The following ROBO2 variants were observed in gnomAD, a reference collection of about 807,000 sequenced individuals.
The protein encoded by ROBO2 is roundabout homolog 2.
Under a neutral mutation model 160.8 loss-of-function variants are expected in ROBO2, and 53 were observed. The observed-to-expected ratio is 0.33, with a 90% confidence interval of 0.26 to 0.41. The LOEUF (loss-of-function observed/expected upper bound fraction) is 0.41, where lower values mean the gene tolerates loss of function less well. ROBO2 is among the 10% of genes least tolerant of loss of function. The pLI is 1.00. For missense variants in ROBO2, 1,577 were observed against 1,722.4 expected, an observed-to-expected ratio of 0.92 and a Z score of 1.49; for synonymous variants, 664 against 611.7, an observed-to-expected ratio of 1.09 and a Z score of -1.26.
At chr3:76,171,629 T>G (rs2073043320) in intron 2 of ROBO2, among the ~76,000 whole-genome samples, 1 of 152,112 alleles carries the variant, frequency 6.6e-6, no homozygotes, top group African/African-American at 2.4e-5. Context: ...AGCAATGCCC[T>G]GATGTAGCTA....
At chr3:77,535,419 C>G (rs2092030531) in intron 6 of ROBO2, among the ~76,000 whole-genome samples, 1 of 152,038 alleles carries the variant, frequency 6.6e-6, no homozygotes, top group Admixed American at 6.6e-5. Flanking sequence ...TACTCCCACA[C>G]TTACAACTCC....
intron 2 of ROBO2, among the ~76,000 whole-genome samples, chr3:76,518,841 C>G (rs1460813495): frequency 6.6e-6 from 1 of 152,146 alleles, no homozygotes; most frequent in Non-Finnish European, 1.5e-5. Context: ...TAATTAGAAG[C>G]TAAAGTCAGT....
chr3:76,628,039 A>C (rs200724806), intron 2 of ROBO2, among the ~76,000 whole-genome samples: 1 of 82,434 alleles, frequency 1.2e-5, no homozygotes, highest in Admixed American at 1.1e-4. Flanking sequence ...TAAGGAAAAA[A>C]GGTATATTAG....
intron 13 of ROBO2, among the ~76,000 whole-genome samples, chr3:77,569,709 C>CT (rs987781395): frequency 5.9e-5 from 9 of 151,838 alleles, no homozygotes; most frequent in Admixed American, 1.3e-4. Flanking sequence ...CTTCTTCCTT[C>CT]TTTTTTGCTT....
intron 2 of ROBO2, among the ~76,000 whole-genome samples, chr3:76,901,410 A>G (rs1184677544): frequency 6.6e-6 from 1 of 151,840 alleles, no homozygotes; most frequent in Non-Finnish European, 1.5e-5. Context: ...TTCTTTAAAG[A>G]TGATGCAGAA....
At chr3:76,306,432 C>G (rs532884507) in intron 2 of ROBO2, among the ~76,000 whole-genome samples, 1 of 151,698 alleles carries the variant, frequency 6.6e-6, no homozygotes, top group South Asian at 2.1e-4. Flanking sequence ...AAATAAAAGG[C>G]AAGATGGTAT....
rs267607015 is a variant in ROBO2, at chr3:77,622,378, G to A, written c.3706G>A (p.Ala1236Thr). Residue 1236 changes from alanine (A) to threonine (T), a missense_variant, in exon 23 of 26, where the codon GCA (alanine) becomes ACA (threonine). Coordinates refer to ENST00000461745, the Ensembl canonical transcript of ROBO2. ...TTTAGAAATCCCCAGGCCCCTGAGA[G>A]CACTGGACCAGACTCCTGGATCCAG... The A allele has an allele frequency of 6.8e-6, 11 of 1,613,904 alleles. No individual in the cohort carries two copies. The highest frequency in any genetic ancestry group is 1.3e-5 in the African/African-American group (1 of 74,892).
chr3:76,203,723 T>C (rs540732765), intron 2 of ROBO2, among the ~76,000 whole-genome samples: 6 of 151,634 alleles, frequency 4.0e-5, no homozygotes, highest in Non-Finnish European at 8.8e-5. Context: ...GGCTATCGGC[T>C]TCCCCCATAA....
At chr3:76,840,374 C>T (rs143372086) in intron 2 of ROBO2, among the ~76,000 whole-genome samples, 15,693 of 151,340 alleles carry the variant, frequency 0.1, 884 homozygotes, top group South Asian at 0.12. Context: ...CTTTGGGAGG[C>T]CGAGGCAGGC....
At chr3:76,609,069 T>C (rs996003792) in intron 2 of ROBO2, among the ~76,000 whole-genome samples, 6 of 152,216 alleles carry the variant, frequency 3.9e-5, no homozygotes, top group Non-Finnish European at 5.9e-5. Context: ...CTTAGATAAA[T>C]GGCCTCCAGC....
Position 76,731,820 on chromosome 3 carries a change from G to A in ROBO2, c.110-366194G>A, listed in dbSNP as rs75709775. ...GGACGATGTCTTAGGAATTCATGGG[G>A]ACTCTATTTTGAAAAGAGAAGATGG... On this transcript the variant is annotated intron_variant, in intron 2 of 26. Coordinates refer to the ROBO2 transcript ENST00000487694. 4.5e-3 allele frequency among the ~76,000 whole-genome samples: 678 copies of A among 152,270 alleles called. 2 individuals are homozygous for A. Among genetic ancestry groups the A allele is most frequent in the South Asian group, 0.013 (65 of 4,830 alleles).
intron 2 of ROBO2, among the ~76,000 whole-genome samples, chr3:76,417,654 C>G (rs62262659): frequency 1.3e-5 from 2 of 151,560 alleles, no homozygotes; most frequent in African/African-American, 4.8e-5. Flanking sequence ...GCTTGTAATA[C>G]AAGTTGAAAG....
At chr3:77,029,284 C>A (rs1263416328) in intron 2 of ROBO2, among the ~76,000 whole-genome samples, 1 of 152,016 alleles carries the variant, frequency 6.6e-6, no homozygotes, top group Non-Finnish European at 1.5e-5. Flanking sequence ...CAAGATAGAT[C>A]ATATGTTAGG....
Position 76,987,320 on chromosome 3 carries a change from C to G in ROBO2, c.110-110694C>G, listed in dbSNP as rs542631436. ...CTTTCTCAGACCTATTTGCACTGTTCATTTTGTTTCAGTTCCACACTGCCG... is the reference window on the plus strand; with the variant it reads ...CTTTCTCAGACCTATTTGCACTGTTGATTTTGTTTCAGTTCCACACTGCCG... On this transcript the variant is annotated intron_variant, in intron 2 of 26. Coordinates refer to the ROBO2 transcript ENST00000487694. Among the ~76,000 whole-genome samples the G allele has an allele frequency of 2.0e-5, 3 of 152,138 alleles. No homozygotes were observed. In the South Asian group the frequency reaches 6.2e-4, roughly 31 times the overall value.
At chr3:76,381,641 G>A (rs79141363) in intron 2 of ROBO2, among the ~76,000 whole-genome samples, 62,940 of 151,854 alleles carry the variant, frequency 0.41, 14,042 homozygotes, top group East Asian at 0.66. Flanking sequence ...GAGCCACTGT[G>A]CCCCGCCTAT....
intron 2 of ROBO2, among the ~76,000 whole-genome samples, chr3:76,747,560 A>C (rs1192616366): frequency 3.3e-5 from 5 of 152,026 alleles, no homozygotes; most frequent in African/African-American, 1.2e-4. Flanking sequence ...ATGTGAATGA[A>C]ACTGCATGTG....
chr3:77,120,308 T>G (rs892282892), intron 2 of ROBO2, among the ~76,000 whole-genome samples: 2 of 152,172 alleles, frequency 1.3e-5, no homozygotes, highest in African/African-American at 4.8e-5. Flanking sequence ...ATAACTTTAC[T>G]TTGATGACCT....
chr3:77,139,402 A>T (rs2076530290), intron 2 of ROBO2, among the ~76,000 whole-genome samples: 1 of 152,142 alleles, frequency 6.6e-6, no homozygotes, highest in Non-Finnish European at 1.5e-5. Flanking sequence ...TCAATAGTGG[A>T]TTGTACTTGG....
At chr3:76,087,078 G>GAAGA (rs919003809) in intron 2 of ROBO2, among the ~76,000 whole-genome samples, 2 of 151,750 alleles carry the variant, frequency 1.3e-5, no homozygotes, top group African/African-American at 4.8e-5. Flanking sequence ...AATACAAGAA[G>GAAGA]AAGAAAGAAA....
Sources: gnomAD v4.1 joint callset for allele counts (sites outside exome capture counted in the v4.1 genomes callset) on GRCh38, gnomAD v4.1.1 for gene constraint, MANE v1.5 for transcripts, NCBI Gene and HGNC (gene_info 2026-07-23, HGNC 2026-07-21) for gene names.